TAFA1: variants seen among roughly 807,000 people sequenced by gnomAD.
The protein encoded by TAFA1 is TAFA chemokine like family member 1.
Under a neutral mutation model 18.5 loss-of-function variants are expected in TAFA1, and 4 were observed. The ratio of observed to expected loss-of-function variants is 0.22; its 90% CI spans 0.11 to 0.49. The LOEUF is 0.49. Among genes scored for constraint, TAFA1 ranks in the 20% least tolerant of loss-of-function variants. The pLI is 0.98. For missense variants in TAFA1, 147 were observed against 169.0 expected, an observed-to-expected ratio of 0.87 and a Z score of 0.72; for synonymous variants, 56 against 55.2, an observed-to-expected ratio of 1.01 and a Z score of -0.06.
chr3:68,040,709 CCTA>C (rs145709302), intron 2 of TAFA1, among the ~76,000 whole-genome samples: 6 of 152,230 alleles, frequency 3.9e-5, no homozygotes, highest in African/African-American at 1.4e-4. Flanking sequence ...TTCTGCCAGA[CCTA>C]CTAATTCAAA....
At chr3:68,026,864 G>A (rs569650012) in intron 2 of TAFA1, among the ~76,000 whole-genome samples, 2 of 152,244 alleles carry the variant, frequency 1.3e-5, no homozygotes, top group South Asian at 2.1e-4. Flanking sequence ...AATTTATATA[G>A]GAAAGAGTTT....
intron 2 of TAFA1, among the ~76,000 whole-genome samples, chr3:68,018,136 T>C (rs1197633001): frequency 6.6e-6 from 1 of 152,232 alleles, no homozygotes; most frequent in East Asian, 1.9e-4. Flanking sequence ...CAAGATTTTA[T>C]TTCTTAATTA....
intron 2 of TAFA1, among the ~76,000 whole-genome samples, chr3:68,085,951 G>A (rs1038866592): frequency 6.6e-6 from 1 of 152,180 alleles, no homozygotes; most frequent in African/African-American, 2.4e-5. Context: ...GATCTTTATT[G>A]CAGAAGATGA....
chr3:68,172,417 T>C (rs192000255), intron 2 of TAFA1, among the ~76,000 whole-genome samples: 150 of 152,294 alleles, frequency 9.8e-4, no homozygotes, highest in African/African-American at 3.4e-3. Flanking sequence ...GGAGAGGAAC[T>C]GGAACCCTCA....
At chr3:68,213,847 C>G (rs904539284) in intron 2 of TAFA1, among the ~76,000 whole-genome samples, 3 of 151,994 alleles carry the variant, frequency 2.0e-5, no homozygotes, top group Non-Finnish European at 4.4e-5. Context: ...GCCAGTAGAG[C>G]CTTTAGCACA....
chr3:68,101,108 A>G (rs1169431091), intron 2 of TAFA1, among the ~76,000 whole-genome samples: 1 of 152,094 alleles, frequency 6.6e-6, no homozygotes, highest in Non-Finnish European at 1.5e-5. Context: ...TTCATCACCC[A>G]GGTATTGAGC....
At chr3:68,220,610 T>C (rs150946122) in intron 2 of TAFA1, among the ~76,000 whole-genome samples, 2 of 152,266 alleles carry the variant, frequency 1.3e-5, no homozygotes, top group African/African-American at 4.8e-5. Flanking sequence ...TACTATCTTA[T>C]ACAAAATGAT....
At chr3:68,104,204 T>C (rs1215359899) in intron 2 of TAFA1, among the ~76,000 whole-genome samples, 8 of 152,166 alleles carry the variant, frequency 5.3e-5, no homozygotes, top group Non-Finnish European at 1.0e-4. Context: ...AAAACTCAGA[T>C]TAATATGGGT....
intron 3 of TAFA1, among the ~76,000 whole-genome samples, chr3:68,448,925 T>C (rs1336267940): frequency 1.3e-5 from 2 of 152,160 alleles, no homozygotes; most frequent in African/African-American, 4.8e-5. Flanking sequence ...TCTTAATAAC[T>C]GTTAGAGAAG....
At chr3:68,383,295 A>C (rs7431771) in intron 2 of TAFA1, among the ~76,000 whole-genome samples, 4,608 of 152,022 alleles carry the variant, frequency 0.03, 94 homozygotes, top group East Asian at 0.093. Flanking sequence ...AGCTTTTGCC[A>C]ATTCAGTATG....
intron 2 of TAFA1, among the ~76,000 whole-genome samples, chr3:68,175,979 G>T (rs1319583931): frequency 6.6e-6 from 1 of 152,056 alleles, no homozygotes; most frequent in Non-Finnish European, 1.5e-5. Context: ...CACAAGACCT[G>T]GTGATTTTAA....
intron 2 of TAFA1, among the ~76,000 whole-genome samples, chr3:68,242,604 A>G (rs1197371783): frequency 6.6e-6 from 1 of 152,160 alleles, no homozygotes; most frequent in African/African-American, 2.4e-5. Context: ...CACATTAAAA[A>G]CTATTTTGAG....
intron 3 of TAFA1, among the ~76,000 whole-genome samples, chr3:68,501,886 T>C (rs568682388): frequency 6.6e-6 from 1 of 152,222 alleles, no homozygotes; most frequent in African/African-American, 2.4e-5. Flanking sequence ...CATAGAGACG[T>C]GTAGTGTGGA....
At chr3:68,349,714 T>TG (rs944234454) in intron 2 of TAFA1, among the ~76,000 whole-genome samples, 4 of 152,014 alleles carry the variant, frequency 2.6e-5, no homozygotes, top group Non-Finnish European at 4.4e-5. Context: ...TGCAAATGAA[T>TG]GGGGGTGTGG....
rs1034016346 is a variant in TAFA1 at position 68,228,932 on chromosome 3, C to G, written c.119-188348C>G. 2.0e-5 allele frequency among the ~76,000 whole-genome samples: 3 copies of G among 152,278 alleles called. No homozygotes were observed. In the South Asian group the frequency reaches 6.2e-4, roughly 32 times the overall value. On this transcript the variant is annotated intron_variant, in intron 2 of 4. Transcript: ENST00000478136. ...GAGAAAGCAGGAGAAAAAAGGGACA[C>G]TGGGGGAGGGATTTAAAGAGCAAAG... is the stretch of plus-strand genomic sequence containing the variant.
At chr3:68,343,141 G>C (rs2069111385) in intron 2 of TAFA1, among the ~76,000 whole-genome samples, 1 of 152,106 alleles carries the variant, frequency 6.6e-6, no homozygotes, top group Admixed American at 6.5e-5. Context: ...CCATTAAGAA[G>C]CAAATGTCCT....
the TAFA1 span, among the ~76,000 whole-genome samples, chr3:67,998,086 A>T: frequency 6.6e-6 from 1 of 151,930 alleles, no homozygotes; most frequent in Non-Finnish European, 1.5e-5. Flanking sequence ...TTAAATTACA[A>T]TTTTTTTAAA....
At chr3:68,224,832 G>T (rs2066776144) in intron 2 of TAFA1, among the ~76,000 whole-genome samples, 1 of 151,430 alleles carries the variant, frequency 6.6e-6, no homozygotes, top group Admixed American at 6.6e-5. Context: ...TACGAGCCAG[G>T]AGGTGTGGGC....
intron 2 of TAFA1, among the ~76,000 whole-genome samples, chr3:68,208,062 AT>A (rs1005787697): frequency 7.2e-5 from 11 of 151,790 alleles, no homozygotes; most frequent in African/African-American, 2.7e-4. Context: ...GTCTGTTTAT[AT>A]TTTTCATTGT....
Sources: gnomAD v4.1 joint callset for allele counts (sites outside exome capture counted in the v4.1 genomes callset) on GRCh38, gnomAD v4.1.1 for gene constraint, MANE v1.5 for transcripts, NCBI Gene and HGNC (gene_info 2026-07-23, HGNC 2026-07-21) for gene names.